The following ABHD5 variants were observed in gnomAD, a reference collection of about 807,000 sequenced individuals.
The protein encoded by ABHD5 is abhydrolase domain containing 5, lysophosphatidic acid acyltransferase, also known as 1-acylglycerol-3-phosphate O-acyltransferase ABHD5.
ABHD5 carries 30 observed loss-of-function variants against 44.9 expected under a neutral mutation model. The ratio of observed to expected loss-of-function variants is 0.67; its 90% CI spans 0.50 to 0.91. ABHD5 has a LOEUF of 0.91. Ranked by LOEUF, ABHD5 falls within the 40% of genes least tolerant of loss-of-function variation. ABHD5 has a pLI of 0.00. For synonymous variants in ABHD5, 167 were observed against 147.0 expected (o/e 1.14, Z -0.99); for missense variants, 399 against 423.4 (o/e 0.94, Z 0.50).
downstream of ABHD5, among the ~76,000 whole-genome samples, chr3:43,723,127 T>C (rs943464170): frequency 1.3e-5 from 2 of 152,130 alleles, no homozygotes; most frequent in Admixed American, 6.5e-5. Context: ...ATGGGTTAAA[T>C]GTGAGCATCA....
At chr3:43,693,909 G>C (rs2084435912) in intron 1 of ABHD5, among the ~76,000 whole-genome samples, 1 of 151,828 alleles carries the variant, frequency 6.6e-6, no homozygotes, top group Admixed American at 6.6e-5. Flanking sequence ...CTGTACTCTG[G>C]TAATGTTTCT....
chr3:43,691,331 G>C, intron 1 of ABHD5: 3 of 261,510 alleles, frequency 1.1e-5, no homozygotes, highest in Non-Finnish European at 7.2e-6. Context: ...TGTTGTATAA[G>C]CCACCCCGCG....
chr3:43,732,794 G>T (rs201984255), intron 7 of ABHD5, among the ~76,000 whole-genome samples: 1 of 152,312 alleles, frequency 6.6e-6, no homozygotes, highest in East Asian at 1.9e-4. Context: ...CAGTCAAGAT[G>T]GTAGCCAGGG....
chr3:43,731,829 G>C (rs1009029764), intron 7 of ABHD5, among the ~76,000 whole-genome samples: 1 of 151,544 alleles, frequency 6.6e-6, no homozygotes, highest in African/African-American at 2.4e-5. Flanking sequence ...GTGAAACTCC[G>C]TCTCAATAAA....
downstream of ABHD5, among the ~76,000 whole-genome samples, chr3:43,725,877 G>T (rs548238092): frequency 4.7e-5 from 7 of 148,278 alleles, no homozygotes; most frequent in South Asian, 2.1e-4. Context: ...TGTTTTTTTG[G>T]TTTTTTGTTT....
At chr3:43,713,484 T>C (rs2149603507) in intron 4 of ABHD5, among the ~76,000 whole-genome samples, 1 of 152,206 alleles carries the variant, frequency 6.6e-6, no homozygotes, top group African/African-American at 2.4e-5. Flanking sequence ...TGACCCCTCC[T>C]GCCCTAGTGC....
At chr3:43,733,608 G>T (rs1159204380) in intron 7 of ABHD5, among the ~76,000 whole-genome samples, 1 of 152,164 alleles carries the variant, frequency 6.6e-6, no homozygotes, top group Non-Finnish European at 1.5e-5. Context: ...TTCACATCTG[G>T]ATTGTTGTCA....
chr3:43,694,068 G>GAGGCCGAGGCGGGCGGATCAT (rs879539302), intron 1 of ABHD5, among the ~76,000 whole-genome samples: 15 of 149,810 alleles, frequency 1.0e-4, no homozygotes, highest in East Asian at 4.0e-4. Flanking sequence ...AGCACTTTGG[G>GAGGCCGAGGCGGGCGGATCAT]GTAACACCGT....
intron 4 of ABHD5, among the ~76,000 whole-genome samples, chr3:43,712,725 G>A (rs2084703996): frequency 6.6e-6 from 1 of 152,038 alleles, no homozygotes; most frequent in Non-Finnish European, 1.5e-5. Context: ...CTGTGTCTGT[G>A]ATTTTCTTGA....
chr3:43,704,988 A>G (rs1399220686), intron 3 of ABHD5, among the ~76,000 whole-genome samples: 1 of 152,228 alleles, frequency 6.6e-6, no homozygotes, highest in East Asian at 1.9e-4. Context: ...CATAAAACTT[A>G]AATTATTAAA....
At chr3:43,718,195 T>G (rs867904338) in intron 6 of ABHD5, among the ~76,000 whole-genome samples, 3 of 152,346 alleles carry the variant, frequency 2.0e-5, no homozygotes, top group Middle Eastern at 3.4e-3. Flanking sequence ...GTTGGCACTT[T>G]TATTAGTGGT....
chr3:43,724,569 A>G (rs946066981), downstream of ABHD5, among the ~76,000 whole-genome samples: 1 of 152,220 alleles, frequency 6.6e-6, no homozygotes, highest in Non-Finnish European at 1.5e-5. Flanking sequence ...ATAACTGATT[A>G]AATTATGCTA....
intron 3 of ABHD5, 140 bp downstream of exon 3, chr3:43,702,727 G>T: frequency 1.1e-5 from 12 of 1,140,108 alleles, no homozygotes; most frequent in Non-Finnish European, 1.6e-5. Context: ...CACCACAACT[G>T]ATGACCAATA....
At chr3:43,733,487 G>A (rs1697276879) in intron 7 of ABHD5, among the ~76,000 whole-genome samples, 2 of 152,158 alleles carry the variant, frequency 1.3e-5, no homozygotes, top group South Asian at 4.1e-4. Context: ...TTGTAAAATG[G>A]GTTTGGCAGT....
chr3:43,713,525 T>G (rs908942385), intron 4 of ABHD5, among the ~76,000 whole-genome samples: 8 of 151,942 alleles, frequency 5.3e-5, no homozygotes, highest in Non-Finnish European at 8.8e-5. Context: ...GCAGTGGGAC[T>G]GCAGGACTTA....
At chr3:43,717,267 A>G (rs565606211) in intron 5 of ABHD5, among the ~76,000 whole-genome samples, 1 of 152,258 alleles carries the variant, frequency 6.6e-6, no homozygotes, top group East Asian at 1.9e-4. Flanking sequence ...ATATTGTCTG[A>G]GTTTCTTCTT....
At chr3:43,715,378 G>C (rs1162740463) in intron 5 of ABHD5, among the ~76,000 whole-genome samples, 1 of 152,056 alleles carries the variant, frequency 6.6e-6, no homozygotes, top group South Asian at 2.1e-4. Context: ...GGTCAGGCTG[G>C]TCTTGAACTT....
chr3:43,699,408 G>A (rs866820346), intron 2 of ABHD5, 47 bp downstream of exon 2: 2 of 1,497,708 alleles, frequency 1.3e-6, no homozygotes, highest in Non-Finnish European at 9.3e-7. Flanking sequence ...ACTAAGATAG[G>A]TCCAATATAT....
At chr3:43,704,033 C>CTTTTTTTTTTTTT (rs10544525) in intron 3 of ABHD5, among the ~76,000 whole-genome samples, 135 of 84,778 alleles carry the variant, frequency 1.6e-3, no homozygotes, top group Middle Eastern at 8.6e-3. Flanking sequence ...TCTTTATTTT[C>CTTTTTTTTTTTTT]TTTTTTTTTT....
Sources: gnomAD v4.1 joint callset for allele counts (sites outside exome capture counted in the v4.1 genomes callset) on GRCh38, gnomAD v4.1.1 for gene constraint, MANE v1.5 for transcripts, NCBI Gene and HGNC (gene_info 2026-07-23, HGNC 2026-07-21) for gene names.